Variants in PCDH15 observed in about 807,000 individuals in gnomAD.
The protein encoded by PCDH15 is protocadherin related 15.
Under a neutral mutation model 178.5 loss-of-function variants are expected in PCDH15, and 129 were observed. The observed-to-expected ratio is 0.72, with a 90% CI of 0.63 to 0.84. PCDH15 has a LOEUF of 0.84. PCDH15 is among the 40% of genes least tolerant of loss of function. The pLI is 0.00. For synonymous variants in PCDH15, 800 were observed against 732.0 expected (o/e 1.09, Z -1.50); for missense variants, 2,230 against 2,099.9 (o/e 1.06, Z -1.21).
intron 3 of PCDH15, among the ~76,000 whole-genome samples, chr10:54,840,226 G>A (rs2133760261): frequency 6.6e-6 from 1 of 152,018 alleles, no homozygotes; most frequent in East Asian, 1.9e-4. Context: ...AATCAAGAGT[G>A]TTAAAAATAA....
intron 1 of PCDH15, among the ~76,000 whole-genome samples, chr10:55,256,133 G>T (rs1469025697): frequency 6.6e-6 from 1 of 151,974 alleles, no homozygotes; most frequent in Non-Finnish European, 1.5e-5. Flanking sequence ...TGTATAAGGT[G>T]TAAGGAAGAG....
intron 1 of PCDH15, among the ~76,000 whole-genome samples, chr10:55,258,610 G>A (rs892679358): frequency 6.6e-6 from 1 of 152,096 alleles, no homozygotes; most frequent in African/African-American, 2.4e-5. Flanking sequence ...ATTCAGTGAG[G>A]TGAGTTTGCT....
chr10:54,354,637 T>C (rs1214230288), intron 5 of PCDH15, among the ~76,000 whole-genome samples: 3 of 152,186 alleles, frequency 2.0e-5, no homozygotes, highest in Non-Finnish European at 2.9e-5. Context: ...GTTGAAGATA[T>C]CGAGTTTTGA....
chr10:55,099,050 C>G (rs778347451), intron 2 of PCDH15, among the ~76,000 whole-genome samples: 1 of 151,958 alleles, frequency 6.6e-6, no homozygotes, highest in African/African-American at 2.4e-5. Context: ...GGTGTTTACC[C>G]CAGACAGTGA....
intron 1 of PCDH15, among the ~76,000 whole-genome samples, chr10:54,719,843 CA>C: frequency 6.6e-6 from 1 of 150,940 alleles, no homozygotes; most frequent in South Asian, 2.1e-4. Context: ...CATGTTCCTC[CA>C]AATGACATGA....
chr10:55,189,458 ATTAAATAACCTCATGTTTTTG>A lies in PCDH15; in HGVS notation c.-155-22828_-155-22808del, dbSNP rs377446472. Among the ~76,000 whole-genome samples, 42 of 151,972 alleles carry A rather than the reference ATTAAATAACCTCATGTTTTTG, an allele frequency of 2.8e-4. 1 individual carries two copies. The highest frequency in any genetic ancestry group is 9.9e-4 in the African/African-American group (41 of 41,502). ...CAAACCATTTCTTGCTATAGAGATA[ATTAAATAACCTCATGTTTTTG>A]TGACTAAAGTTAGACCAGCTGATAC... On this transcript the variant is annotated intron_variant, in intron 1 of 5. Coordinates refer to the PCDH15 transcript ENST00000458638.
In PCDH15 at chr10:54,718,684, CTT is replaced by C. The variant is rs71461255; in HGVS notation, c.-28-54396_-28-54395del. Among the ~76,000 whole-genome samples, 11 of 111,500 alleles carry C rather than the reference CTT, an allele frequency of 9.9e-5. No individual in the cohort carries two copies. The South Asian group carries it at 1.2e-3, about 12-fold the overall frequency. 73.1% of individuals were successfully genotyped at this position (111,500 alleles called of 152,430 possible). On this transcript the variant is annotated intron_variant, in intron 1 of 37. Transcript: ENST00000644397. Reference sequence around the variant, plus strand: ...AACACTTCGAAAGATCACACTGATTCTTTTTTTTTTTTTTTTTTTTCTTTTGA... The same window carrying C: ...AACACTTCGAAAGATCACACTGATTCTTTTTTTTTTTTTTTTTTCTTTTGA...
intron 5 of PCDH15, among the ~76,000 whole-genome samples, chr10:54,364,588 A>G (rs1159325998): frequency 3.3e-5 from 5 of 152,236 alleles, no homozygotes; most frequent in South Asian, 2.1e-4. Flanking sequence ...GCTGATTTCA[A>G]TGTTCAAATC....
chr10:54,515,794 C>A (rs990537941), intron 3 of PCDH15, among the ~76,000 whole-genome samples: 2 of 152,182 alleles, frequency 1.3e-5, no homozygotes, highest in African/African-American at 4.8e-5. Flanking sequence ...TCCAGAGGAC[C>A]CATCAGGCAG....
intron 3 of PCDH15, among the ~76,000 whole-genome samples, chr10:54,470,400 G>T (rs1450401558): frequency 6.6e-6 from 1 of 152,144 alleles, no homozygotes; most frequent in Non-Finnish European, 1.5e-5. Context: ...CCTGGCTGCA[G>T]GTGGGGGAGG....
intron 8 of PCDH15, among the ~76,000 whole-genome samples, chr10:54,285,323 TATCAG>T (rs1240251388): frequency 6.6e-6 from 1 of 150,830 alleles, no homozygotes; most frequent in Non-Finnish European, 1.5e-5. Context: ...CCAAACCATG[TATCAG>T]ATAAGATATT....
intron 3 of PCDH15, among the ~76,000 whole-genome samples, chr10:54,886,321 C>T (rs1158007964): frequency 6.6e-6 from 1 of 152,160 alleles, no homozygotes; most frequent in Non-Finnish European, 1.5e-5. Flanking sequence ...TGTAAACTTA[C>T]AGAGATAAAA....
intron 2 of PCDH15, among the ~76,000 whole-genome samples, chr10:55,091,953 G>T (rs1436795051): frequency 6.6e-6 from 1 of 151,772 alleles, no homozygotes; most frequent in Non-Finnish European, 1.5e-5. Context: ...GTAAAACCAA[G>T]ATTTTGGTTT....
At chr10:53,825,174 G>A (rs1480236921) in intron 32 of PCDH15, 2 of 1,521,728 alleles carry the variant, frequency 1.3e-6, no homozygotes, top group Non-Finnish European at 1.8e-6. Flanking sequence ...CAGAAAACAT[G>A]TGATAGAAAA....
At chr10:53,896,765 C>G (rs1032901437) in intron 26 of PCDH15, among the ~76,000 whole-genome samples, 1 of 152,072 alleles carries the variant, frequency 6.6e-6, no homozygotes, top group African/African-American at 2.4e-5. Flanking sequence ...AACATAAACC[C>G]TATCGTGACC....
chr10:53,819,569 T>A (rs1264625005), intron 33 of PCDH15, among the ~76,000 whole-genome samples: 2 of 152,054 alleles, frequency 1.3e-5, no homozygotes, highest in Non-Finnish European at 2.9e-5. Context: ...ATATCATGTA[T>A]ATGTATCACT....
chr10:54,835,139 A>G (rs1483321220), intron 3 of PCDH15, among the ~76,000 whole-genome samples: 1 of 152,150 alleles, frequency 6.6e-6, no homozygotes, highest in Non-Finnish European at 1.5e-5. Flanking sequence ...CTCAATAATA[A>G]TATTATGTTG....
At chr10:53,881,713 A>G (rs1589230507) in intron 26 of PCDH15, among the ~76,000 whole-genome samples, 1 of 152,188 alleles carries the variant, frequency 6.6e-6, no homozygotes, top group African/African-American at 2.4e-5. Context: ...TTTTGTCTAC[A>G]TAAAATTATA....
At chr10:54,479,070 A>T (rs2078500215) in intron 3 of PCDH15, among the ~76,000 whole-genome samples, 1 of 151,960 alleles carries the variant, frequency 6.6e-6, no homozygotes, top group Admixed American at 6.6e-5. Context: ...ACATAGAAAC[A>T]TTTTAATCTT....
Sources: allele counts gnomAD v4.1 joint callset (sites outside exome capture counted in the v4.1 genomes callset), GRCh38; gene constraint gnomAD v4.1.1; transcripts MANE v1.5; gene names NCBI Gene and HGNC (gene_info 2026-07-23, HGNC 2026-07-21).